The following ESR1 variants were observed in gnomAD, a reference collection of about 807,000 sequenced individuals.
The protein encoded by ESR1 is estrogen receptor.
In ESR1, 12 loss-of-function variants were observed where a neutral mutation model predicts 52.7. The ratio of observed to expected loss-of-function variants is 0.23; its 90% CI spans 0.15 to 0.37. ESR1 has a LOEUF of 0.37. ESR1 is among the 10% of genes least tolerant of loss of function. The pLI, the probability that ESR1 is intolerant of heterozygous loss-of-function variation, is 1.00. For missense variants in ESR1, 584 were observed against 779.7 expected (o/e 0.75, Z 2.99); for synonymous variants, 305 against 316.8 (o/e 0.96, Z 0.39).
chr6:151,915,682 GT>G (rs1375461034), intron 3 of ESR1, among the ~76,000 whole-genome samples: 2 of 152,144 alleles, frequency 1.3e-5, no homozygotes, highest in Admixed American at 1.3e-4. Context: ...TGTCTGATGA[GT>G]TACCTAGGAC....
chr6:151,702,801 C>G (rs896351469), intron 2 of ESR1, among the ~76,000 whole-genome samples: 4 of 152,152 alleles, frequency 2.6e-5, no homozygotes, highest in Non-Finnish European at 5.9e-5. Flanking sequence ...GTTCACAAAC[C>G]TCTTGAAAAG....
At chr6:152,080,557 T>G (rs1252470747) in intron 6 of ESR1, among the ~76,000 whole-genome samples, 1 of 152,122 alleles carries the variant, frequency 6.6e-6, no homozygotes, top group East Asian at 1.9e-4. Flanking sequence ...ACATTCCAAA[T>G]TGTAAAGACC....
At chr6:151,864,697 A>G (rs1378969232) in intron 2 of ESR1, among the ~76,000 whole-genome samples, 2 of 152,214 alleles carry the variant, frequency 1.3e-5, no homozygotes, top group African/African-American at 4.8e-5. Flanking sequence ...CTAAATATCC[A>G]ACAACAATAG....
Position 152,017,013 on chromosome 6 carries a change from A to C in ESR1, c.1235+5219A>C, listed in dbSNP as rs78018946. Among the ~76,000 whole-genome samples the C allele has an allele frequency of 7.7e-3, 1,165 of 152,254 alleles. 15 individuals are homozygous for C. The highest frequency in any genetic ancestry group is 0.027 in the African/African-American group (1,110 of 41,544). ...TGTCTTGTTCTCTCAAATCTTTGCA[A>C]ATCTAGGCATTTATAAGACTATCCT... On this transcript the variant is annotated intron_variant, in intron 5 of 7. Transcript: ENST00000206249.
intron 4 of ESR1, among the ~76,000 whole-genome samples, chr6:151,958,040 T>C (rs1166731901): frequency 1.3e-5 from 2 of 152,226 alleles, no homozygotes; most frequent in African/African-American, 4.8e-5. Flanking sequence ...TGGTCAGAAC[T>C]TCAGATACAT....
chr6:151,694,796 A>AG (rs1479265801), intron 1 of ESR1, among the ~76,000 whole-genome samples: 2 of 47,208 alleles, frequency 4.2e-5, no homozygotes, highest in Non-Finnish European at 9.3e-5. Context: ...AAAAAAAGAC[A>AG]AAAAAAAAAA....
At chr6:151,989,384 C>T (rs974887994) in intron 4 of ESR1, among the ~76,000 whole-genome samples, 2 of 152,100 alleles carry the variant, frequency 1.3e-5, no homozygotes, top group African/African-American at 4.8e-5. Flanking sequence ...TTTTCCTATG[C>T]TGTCTTTCTC....
At chr6:151,898,913 G>C (rs1483339671) in intron 3 of ESR1, among the ~76,000 whole-genome samples, 2 of 152,162 alleles carry the variant, frequency 1.3e-5, no homozygotes, top group Non-Finnish European at 2.9e-5. Flanking sequence ...TGAGCTGTTG[G>C]GCACACCTCC....
chr6:151,904,333 C>G (rs181826299), intron 3 of ESR1, among the ~76,000 whole-genome samples: 7 of 152,290 alleles, frequency 4.6e-5, no homozygotes, highest in Admixed American at 4.6e-4. Flanking sequence ...TAGTGGTATA[C>G]ACTATCATAA....
intron 2 of ESR1, among the ~76,000 whole-genome samples, chr6:151,775,186 A>G (rs1252208868): frequency 6.6e-6 from 1 of 152,202 alleles, no homozygotes; most frequent in Non-Finnish European, 1.5e-5. Context: ...ACCCAAAGAA[A>G]CAGAAGAACT....
intron 2 of ESR1, among the ~76,000 whole-genome samples, chr6:151,773,630 C>G (rs912508208): frequency 4.6e-5 from 7 of 152,200 alleles, no homozygotes; most frequent in Admixed American, 2.6e-4. Flanking sequence ...AGGCAGGGAG[C>G]CTTCCTGGCT....
chr6:152,093,121 A>G (rs1033721203), intron 6 of ESR1, among the ~76,000 whole-genome samples: 1 of 152,036 alleles, frequency 6.6e-6, no homozygotes, highest in Non-Finnish European at 1.5e-5. Flanking sequence ...TACTAAAAAC[A>G]CAAAAATTAG....
At chr6:152,042,713 T>C (rs532089681) in intron 5 of ESR1, among the ~76,000 whole-genome samples, 112 of 152,330 alleles carry the variant, frequency 7.4e-4, no homozygotes, top group African/African-American at 2.6e-3. Context: ...GACCTGGAAG[T>C]TTTCTGCTTA....
At chr6:151,974,518 C>T (rs1472222692) in intron 4 of ESR1, among the ~76,000 whole-genome samples, 2 of 152,116 alleles carry the variant, frequency 1.3e-5, no homozygotes, top group African/African-American at 2.4e-5. Context: ...GACTTACAAT[C>T]AGAAATCTGG....
intron 2 of ESR1, among the ~76,000 whole-genome samples, chr6:151,738,213 G>A (rs1213555019): frequency 6.6e-6 from 1 of 152,174 alleles, no homozygotes; most frequent in Admixed American, 6.5e-5. Flanking sequence ...TTTGATTTGT[G>A]AATGATTTTC....
rs1188004121 is a variant in ESR1, at chr6:152,061,543, T to C, written c.1369+419T>C. Among the ~76,000 whole-genome samples, 2 of 152,196 alleles carry C rather than the reference T, an allele frequency of 1.3e-5. No homozygotes were observed. The highest frequency in any genetic ancestry group is 4.8e-5 in the African/African-American group (2 of 41,442). On this transcript the variant is annotated intron_variant, in intron 6 of 7. Transcript: ENST00000206249. This position sits in a 1 kb window ranked among gnomAD's most constrained non-coding sequence, Gnocchi z 4.3. Reference sequence around the variant, plus strand: ...GAGGGTTATTTGAGACAGACCATGTTTCTGGTCAAAACTGACTAGCTAAAA... The same window carrying C: ...GAGGGTTATTTGAGACAGACCATGTCTCTGGTCAAAACTGACTAGCTAAAA...
At chr6:151,735,485 T>C (rs975332201) in intron 2 of ESR1, among the ~76,000 whole-genome samples, 11 of 152,200 alleles carry the variant, frequency 7.2e-5, no homozygotes, top group Non-Finnish European at 1.3e-4. Flanking sequence ...CAATCAGGTG[T>C]CCAAATGAGA....
At chr6:152,107,470 T>C (rs1283344133), downstream of ESR1, among the ~76,000 whole-genome samples, 2 of 152,230 alleles carry the variant, frequency 1.3e-5, no homozygotes, top group Non-Finnish European at 2.9e-5. Context: ...CTTATTTCTG[T>C]CTCTTAAGAA....
intron 3 of ESR1, among the ~76,000 whole-genome samples, chr6:151,892,976 A>G (rs9383946): frequency 0.78 from 119,381 of 152,134 alleles, 47,507 homozygotes; most frequent in African/African-American, 0.9. Flanking sequence ...ATCACTTGAG[A>G]TCAGAAGTTC....
Sources: gnomAD v4.1 joint callset for allele counts (sites outside exome capture counted in the v4.1 genomes callset) on GRCh38, gnomAD v4.1.1 for gene constraint, Gnocchi (gnomAD v3.1) non-coding constraint, MANE v1.5 for transcripts, NCBI Gene and HGNC (gene_info 2026-07-23, HGNC 2026-07-21) for gene names.